The following NPAS3 variants were observed in gnomAD, a reference collection of about 807,000 sequenced individuals.
NPAS3 encodes the protein neuronal PAS domain-containing protein 3.
Under a neutral mutation model 73.1 loss-of-function variants are expected in NPAS3, and 14 were observed. The ratio of observed to expected loss-of-function variants is 0.19; its 90% CI spans 0.13 to 0.30. The LOEUF is 0.30. NPAS3 is among the 10% of genes least tolerant of loss of function. The pLI is 1.00. For missense variants in NPAS3, 1,096 were observed against 1,250.0 expected (o/e 0.88, Z 1.86); for synonymous variants, 620 against 541.5 (o/e 1.14, Z -2.01).
intron 4 of NPAS3, among the ~76,000 whole-genome samples, chr14:33,397,931 G>T (rs1019749635): frequency 6.6e-6 from 1 of 152,104 alleles, no homozygotes; most frequent in Non-Finnish European, 1.5e-5. Flanking sequence ...TTATTTAACT[G>T]AATTCAGTCC....
chr14:33,790,998 T>A (rs1387384046), intron 9 of NPAS3, among the ~76,000 whole-genome samples: 1 of 152,194 alleles, frequency 6.6e-6, no homozygotes, highest in Non-Finnish European at 1.5e-5. Flanking sequence ...TTGGTAAACA[T>A]GTTGTCCCAA....
At chr14:33,347,765 T>C (rs1379387986) in intron 3 of NPAS3, among the ~76,000 whole-genome samples, 1 of 152,234 alleles carries the variant, frequency 6.6e-6, no homozygotes, top group Non-Finnish European at 1.5e-5. Flanking sequence ...AGATTACTTA[T>C]AACACCCAAT....
intron 7 of NPAS3, among the ~76,000 whole-genome samples, chr14:33,748,038 A>G (rs2061856113): frequency 6.6e-6 from 1 of 152,220 alleles, no homozygotes; most frequent in Non-Finnish European, 1.5e-5. Flanking sequence ...CTCCTACTAC[A>G]GTATAACAGG....
intron 3 of NPAS3, among the ~76,000 whole-genome samples, chr14:33,335,176 CT>C (rs2044169263): frequency 6.6e-6 from 1 of 152,048 alleles, no homozygotes; most frequent in African/African-American, 2.4e-5. Context: ...GTTCAACTAT[CT>C]TTTTTGTATA....
At chr14:33,177,347 C>T (rs529575869) in intron 2 of NPAS3, among the ~76,000 whole-genome samples, 2 of 151,858 alleles carry the variant, frequency 1.3e-5, no homozygotes, top group African/African-American at 2.4e-5. Flanking sequence ...TCACCTGCCT[C>T]GGCCTCCCAA....
chr14:33,276,047 T>C (rs720075), intron 3 of NPAS3, among the ~76,000 whole-genome samples: 64,707 of 151,880 alleles, frequency 0.43, 14,805 homozygotes, highest in African/African-American at 0.58. Context: ...TACAGTTTCA[T>C]GCTTTCTGTT....
intron 7 of NPAS3, among the ~76,000 whole-genome samples, chr14:33,769,756 C>CTTTTTTTTTTTTTTTTTTTTTTTTTTTTT (rs916953785): frequency 1.2e-5 from 1 of 81,854 alleles, no homozygotes; most frequent in Non-Finnish European, 2.2e-5. Flanking sequence ...TTTTTTTTTT[C>CTTTTTTTTTTTTTTTTTTTTTTTTTTTTT]TTTTTTTTTT....
intron 2 of NPAS3, among the ~76,000 whole-genome samples, chr14:33,075,548 G>A (rs369793604): frequency 6.6e-6 from 1 of 152,164 alleles, no homozygotes; most frequent in Non-Finnish European, 1.5e-5. Flanking sequence ...CTTGAGATTA[G>A]CAGTGTTGTT....
intron 4 of NPAS3, among the ~76,000 whole-genome samples, chr14:33,429,547 G>A (rs535539124): frequency 1.3e-5 from 2 of 152,162 alleles, no homozygotes; most frequent in Admixed American, 1.3e-4. Context: ...ATGTACTGAG[G>A]TGTCACCATT....
At chr14:33,309,907 C>A (rs2042929089) in intron 3 of NPAS3, among the ~76,000 whole-genome samples, 1 of 152,138 alleles carries the variant, frequency 6.6e-6, no homozygotes, top group Non-Finnish European at 1.5e-5. Flanking sequence ...CCTGGCCCTG[C>A]AGAGGGAGGA....
At chr14:33,194,555 A>G (rs1292405499) in intron 2 of NPAS3, among the ~76,000 whole-genome samples, 1 of 152,194 alleles carries the variant, frequency 6.6e-6, no homozygotes, top group Non-Finnish European at 1.5e-5. Flanking sequence ...TGTGGTCCAC[A>G]TGGTTTGTTG....
intron 3 of NPAS3, among the ~76,000 whole-genome samples, chr14:33,300,197 G>A (rs371901239): frequency 6.6e-6 from 1 of 152,064 alleles, no homozygotes; most frequent in South Asian, 2.1e-4. Flanking sequence ...GCTTGATTTG[G>A]GTAGCTATTT....
At chr14:33,063,428 A>G (rs1566519860) in intron 2 of NPAS3, among the ~76,000 whole-genome samples, 1 of 152,180 alleles carries the variant, frequency 6.6e-6, no homozygotes, top group Non-Finnish European at 1.5e-5. Flanking sequence ...ATTATGATCC[A>G]CTAGCCACAT....
intron 4 of NPAS3, among the ~76,000 whole-genome samples, chr14:33,493,978 T>C (rs1440040162): frequency 6.6e-6 from 1 of 152,162 alleles, no homozygotes. Flanking sequence ...GCAGTAATTA[T>C]GTTTCATAAT....
intron 3 of NPAS3, among the ~76,000 whole-genome samples, chr14:33,285,691 C>T (rs974713468): frequency 1.3e-5 from 2 of 152,228 alleles, no homozygotes; most frequent in Admixed American, 1.3e-4. Context: ...GTGACACCCT[C>T]CTGTTACAGA....
chr14:33,301,514 C>T (rs2042547359), intron 3 of NPAS3, among the ~76,000 whole-genome samples: 1 of 151,686 alleles, frequency 6.6e-6, no homozygotes, highest in Admixed American at 6.6e-5. Context: ...TTGTGAGCTT[C>T]TTTTCAGTGG....
intron 2 of NPAS3, among the ~76,000 whole-genome samples, chr14:33,172,701 ACT>A (rs2045439205): frequency 6.6e-6 from 1 of 151,872 alleles, no homozygotes; most frequent in Non-Finnish European, 1.5e-5. Context: ...ATGCCACAGC[ACT>A]CCAACTCCAA....
chr14:33,561,275 G>A (rs567197739), intron 5 of NPAS3, among the ~76,000 whole-genome samples: 9 of 152,342 alleles, frequency 5.9e-5, no homozygotes, highest in African/African-American at 2.2e-4. Context: ...CTGTGAGTGA[G>A]TTTGCTGGGT....
At chr14:33,101,505 A>G (rs989449529) in intron 2 of NPAS3, among the ~76,000 whole-genome samples, 1 of 152,116 alleles carries the variant, frequency 6.6e-6, no homozygotes, top group African/African-American at 2.4e-5. Context: ...TAAAAATTGT[A>G]TCTTTAAACC....
Sources: allele counts gnomAD v4.1 joint callset (sites outside exome capture counted in the v4.1 genomes callset), GRCh38; gene constraint gnomAD v4.1.1; transcripts MANE v1.5; gene names NCBI Gene and HGNC (gene_info 2026-07-23, HGNC 2026-07-21).